FNBP1: variants seen among roughly 807,000 people sequenced by gnomAD.
The protein encoded by FNBP1 is formin-binding protein 1.
In FNBP1, 26 loss-of-function variants were observed where a neutral mutation model predicts 90.6. The ratio of observed to expected loss-of-function variants is 0.29; its 90% CI spans 0.21 to 0.40. The LOEUF (loss-of-function observed/expected upper bound fraction) is 0.40, where lower values mean the gene tolerates loss of function less well. Among genes scored for constraint, FNBP1 ranks in the 10% least tolerant of loss-of-function variants. The probability of loss-of-function intolerance (pLI) is 1.00; values close to 1 mark genes in which losing one functional copy is unlikely to be tolerated. For synonymous variants in FNBP1, 260 were observed against 265.2 expected (o/e 0.98, Z 0.19); for missense variants, 635 against 768.0 (o/e 0.83, Z 2.05).
intron 11 of FNBP1, 46 bp from the exon 12 acceptor site, chr9:129,909,045 C>CTG: frequency 7.2e-7 from 1 of 1,389,854 alleles, no homozygotes; most frequent in Non-Finnish European, 1.0e-6. Flanking sequence ...CCCAGGCTTT[C>CTG]CTTGAAAGAA....
chr9:129,978,695 T>G, intron 3 of FNBP1, 83 bp from the exon 4 acceptor site: 1 of 1,401,324 alleles, frequency 7.1e-7, no homozygotes, highest in South Asian at 1.3e-5. Context: ...AAATATTAAT[T>G]AAAATCAGGT....
chr9:130,030,777 T>C (rs2058736872), intron 1 of FNBP1, among the ~76,000 whole-genome samples: 1 of 152,214 alleles, frequency 6.6e-6, no homozygotes, highest in African/African-American at 2.4e-5. Flanking sequence ...TTAAAATTCA[T>C]TCTGGTTTAT....
chr9:129,978,827 G>A (rs575730993), intron 3 of FNBP1, among the ~76,000 whole-genome samples: 2 of 152,172 alleles, frequency 1.3e-5, no homozygotes, highest in African/African-American at 2.4e-5. Flanking sequence ...GAACCGCTCC[G>A]CATAATGTAA....
intron 1 of FNBP1, among the ~76,000 whole-genome samples, chr9:130,039,257 C>T (rs1156687923): frequency 6.6e-6 from 1 of 152,230 alleles, no homozygotes; most frequent in East Asian, 1.9e-4. Flanking sequence ...CAGATTCAGA[C>T]TGGTGTCTTG....
intron 11 of FNBP1, 190 bp from the exon 12 acceptor site, chr9:129,909,189 A>T: frequency 1.6e-6 from 1 of 616,644 alleles, no homozygotes. Flanking sequence ...AAGTCCCATA[A>T]ACCATTCCCA....
chr9:129,927,764 C>CGAGA (rs2042135785), intron 7 of FNBP1, among the ~76,000 whole-genome samples: 1 of 142,942 alleles, frequency 7.0e-6, no homozygotes, highest in South Asian at 2.5e-4. Flanking sequence ...CCCACCCCCC[C>CGAGA]TCCCCCCGCC....
chr9:130,027,882 G>T (rs1252812214), intron 1 of FNBP1, among the ~76,000 whole-genome samples: 4 of 151,774 alleles, frequency 2.6e-5, no homozygotes, highest in South Asian at 4.1e-4. Context: ...TCCTAAAAGC[G>T]CAAGAAAAAA....
intron 7 of FNBP1, among the ~76,000 whole-genome samples, chr9:129,927,820 C>T (rs957748293): frequency 2.3e-5 from 3 of 131,078 alleles, no homozygotes; most frequent in East Asian, 2.5e-4. Context: ...GATGGGGTTT[C>T]GCCATGTTGG....
rs1355918909 is a variant in FNBP1, at chr9:129,995,605, T to A, written c.25-647A>T. ...CCCATCTCTACAAAAACAATTTTTT[T>A]AAATTAGCTGGGCATGGTGTTGTAC... is the stretch of plus-strand genomic sequence containing the variant. On this transcript the variant is annotated intron_variant, in intron 1 of 16. Transcript: ENST00000446176. 2.0e-5 allele frequency among the ~76,000 whole-genome samples: 3 copies of A among 152,230 alleles called. No homozygotes were observed. The South Asian group carries it at 6.2e-4, about 32-fold the overall frequency.
chr9:130,019,786 C>A (rs1324989899), intron 1 of FNBP1, among the ~76,000 whole-genome samples: 1 of 152,078 alleles, frequency 6.6e-6, no homozygotes, highest in Non-Finnish European at 1.5e-5. Context: ...GAAACGGAGT[C>A]TCGCTTCATC....
At chr9:129,967,611 C>A (rs374776570) in intron 4 of FNBP1, among the ~76,000 whole-genome samples, 315 of 152,278 alleles carry the variant, frequency 2.1e-3, no homozygotes, top group African/African-American at 7.3e-3. Flanking sequence ...CAGTCCTCTG[C>A]TGACAAAGGT....
In FNBP1 at chr9:129,910,861, GTGTGTA is replaced by G. The variant is rs1224931920; in HGVS notation, c.1186-1868_1186-1863del. ...CTGACTCTCTAATGTGTGTGTGTGT[GTGTGTA>G]TGTGTGTGAGATAAGAGTTGAGTGA... On this transcript the variant is annotated intron_variant, in intron 11 of 16. Transcript: ENST00000446176. Among the ~76,000 whole-genome samples, 195 of 75,696 alleles carry G rather than the reference GTGTGTA, an allele frequency of 2.6e-3. 3 individuals carry two copies. Among genetic ancestry groups the G allele is most frequent in the Middle Eastern group, 0.015 (2 of 132 alleles). 49.7% of individuals were successfully genotyped at this position (75,696 alleles called of 152,430 possible). A position where few individuals can be genotyped will look rare whatever the true frequency, so the allele number is the denominator to read the frequency against.
chr9:130,034,186 G>T (rs894897569), intron 1 of FNBP1, among the ~76,000 whole-genome samples: 1 of 151,752 alleles, frequency 6.6e-6, no homozygotes, highest in Non-Finnish European at 1.5e-5. Context: ...CCGGGCAAAC[G>T]CCTGTACTCC....
intron 1 of FNBP1, among the ~76,000 whole-genome samples, chr9:130,033,437 T>C (rs1298410079): frequency 2.0e-5 from 3 of 152,186 alleles, no homozygotes; most frequent in African/African-American, 4.8e-5. Flanking sequence ...GCTGTGCAAA[T>C]AGAAGTACAA....
intron 2 of FNBP1, among the ~76,000 whole-genome samples, chr9:129,986,189 C>T (rs2052204673): frequency 6.6e-6 from 1 of 151,620 alleles, no homozygotes; most frequent in South Asian, 2.1e-4. Flanking sequence ...ACAGGTAATA[C>T]AGAAGCAAAA....
chr9:129,907,621 G>C (rs1310619799), intron 12 of FNBP1, among the ~76,000 whole-genome samples: 1 of 102,274 alleles, frequency 9.8e-6, no homozygotes, highest in Non-Finnish European at 2.1e-5. Context: ...GTGTGTGTGT[G>C]TGTGTTATTT....
intron 16 of FNBP1, chr9:129,895,591 T>A (rs773651170): frequency 6.7e-5 from 83 of 1,240,190 alleles, no homozygotes; most frequent in Non-Finnish European, 8.3e-5. Flanking sequence ...TAGCTGTAAG[T>A]TGGCGGTTGG....
intron 1 of FNBP1, among the ~76,000 whole-genome samples, chr9:130,030,887 C>T (rs1194098436): frequency 6.6e-6 from 1 of 152,148 alleles, no homozygotes; most frequent in East Asian, 1.9e-4. Flanking sequence ...ACCCTGATAA[C>T]CCTAACAAGG....
intron 11 of FNBP1, among the ~76,000 whole-genome samples, chr9:129,910,783 C>T (rs368175373): frequency 1.3e-5 from 2 of 151,944 alleles, no homozygotes; most frequent in African/African-American, 2.4e-5. Context: ...CAAAAGGCCA[C>T]GCAAAGACCT....
Sources: allele counts gnomAD v4.1 joint callset (sites outside exome capture counted in the v4.1 genomes callset), GRCh38; gene constraint gnomAD v4.1.1; transcripts MANE v1.5; gene names NCBI Gene and HGNC (gene_info 2026-07-23, HGNC 2026-07-21).